The following SLC25A38 variants were observed in gnomAD, a reference collection of about 807,000 sequenced individuals.
The protein encoded by SLC25A38 is solute carrier family 25 member 38, also known as mitochondrial glycine transporter.
A neutral mutation model predicts 33.4 loss-of-function variants in SLC25A38; 27 were observed. That is an observed-to-expected ratio of 0.81 (90% CI 0.60 to 1.11). The LOEUF is 1.11. Ranked by LOEUF, SLC25A38 falls within the 50% of genes most tolerant of loss-of-function variation. The pLI, the probability that SLC25A38 is intolerant of heterozygous loss-of-function variation, is 0.00. For synonymous variants in SLC25A38, 123 were observed against 145.9 expected (o/e 0.84, Z 1.13); for missense variants, 344 against 388.8 (o/e 0.88, Z 0.97).
At chr3:39,387,088 G>A (rs1176691619) in intron 1 of SLC25A38, among the ~76,000 whole-genome samples, 1 of 152,176 alleles carries the variant, frequency 6.6e-6, no homozygotes, top group East Asian at 1.9e-4. Context: ...GAAGCCAAAG[G>A]AAGAGAGCAT....
chr3:39,383,713 G>A lies in SLC25A38; in HGVS notation c.-12G>A. On this transcript the variant is annotated 5_prime_UTR_variant, in exon 1 of 7. Transcript: ENST00000650617. The stretch of plus-strand genomic sequence containing the variant: ...CACCCTGGGCCCAGAGGACTCGCGG[G>A]CCTCATCTCCAATGATTCAGAACTC... 6.2e-7 allele frequency: 1 copy of A among 1,614,040 alleles called. No homozygotes were observed. The highest frequency in any genetic ancestry group is 8.5e-7 in the Non-Finnish European group (1 of 1,179,938).
intron 3 of SLC25A38, among the ~76,000 whole-genome samples, chr3:39,391,041 G>T (rs1435107151): frequency 6.6e-6 from 1 of 152,182 alleles, no homozygotes; most frequent in Non-Finnish European, 1.5e-5. Flanking sequence ...TACATTTTTA[G>T]CAAGGAGACC....
At position 39,392,014 on chromosome 3, in the gene SLC25A38, G is replaced by T. The variant is rs570606591; in HGVS notation, c.618G>T (p.Val206=). The part of the protein sequence containing the change: ...LMFYNQTKNI[V]PHDQVDATLI... ...TTTACAACCAGACCAAAAATATAGT[G>T]CCTCATGGTAGGGATAAAGGAAGAT... Residue 206 remains valine (V), a synonymous_variant, in exon 5 of 7, where the codon GTG becomes GTT. Transcript: ENST00000650617. 7 of 1,614,140 alleles carry T rather than the reference G, an allele frequency of 4.3e-6. No individual in the cohort carries two copies. The highest frequency in any genetic ancestry group is 1.7e-5 in the Admixed American group (1 of 60,024).
At chr3:39,394,679 T>C in intron 6 of SLC25A38, 103 bp downstream of exon 6, 3 of 1,396,728 alleles carry the variant, frequency 2.1e-6, no homozygotes, top group Non-Finnish European at 3.0e-6. Flanking sequence ...TAGAGAGCTT[T>C]TAAAAATCCC....
chr3:39,396,437 C>A lies in SLC25A38; in HGVS notation c.832C>A (p.Arg278=). 1 of 1,614,056 alleles carries A rather than the reference C, an allele frequency of 6.2e-7. No homozygotes were observed. The highest frequency in any genetic ancestry group is 1.1e-5 in the South Asian group (1 of 91,076). ...LRGFFQGGIP[R]ALRRTLMAAM... is the part of the protein sequence containing the mutation. ...TGGCTTCTTCCAAGGTGGCATCCCCCGAGCCCTCCGCAGAACTCTAATGGC... is the reference window on the plus strand; with the variant it reads ...TGGCTTCTTCCAAGGTGGCATCCCCAGAGCCCTCCGCAGAACTCTAATGGC... The change falls in exon 7 of 7, where the codon CGA becomes AGA. Residue 278 remains arginine (R), a synonymous_variant. Coordinates refer to ENST00000650617, the MANE Select transcript of SLC25A38 (RefSeq NM_017875.4).
rs2041670273 is a variant in SLC25A38 at position 39,383,502 on chromosome 3, G to A, written c.-223G>A. On this transcript the variant is annotated 5_prime_UTR_variant, in exon 1 of 7. Transcript: ENST00000650617. ...CTGCGGCGCGGGTGAAGAGCGGCGC[G>A]TAATTCCCGCAGCAAGATTGTTCCG... The A allele has an allele frequency of 1.7e-6, 1 of 587,312 alleles. No individual in the cohort carries two copies. The highest frequency in any genetic ancestry group is 2.0e-5 in the South Asian group (1 of 50,166). The allele number at this position is 587,312 out of a possible 1,614,324, so 36.4% of individuals were successfully genotyped here. A position where few individuals can be genotyped will look rare whatever the true frequency, so the allele number is the denominator to read the frequency against.
intron 1 of SLC25A38, among the ~76,000 whole-genome samples, chr3:39,386,468 T>G (rs1219530914): frequency 6.6e-6 from 1 of 152,108 alleles, no homozygotes; most frequent in Non-Finnish European, 1.5e-5. Flanking sequence ...CAGCTACTCG[T>G]GAGGCTGAGG....
chr3:39,391,440 G>C lies in SLC25A38; in HGVS notation c.277-1G>C. 6.2e-7 allele frequency: 1 copy of C among 1,613,354 alleles called. No individual in the cohort carries two copies. Among genetic ancestry groups the C allele is most frequent in the Non-Finnish European group, 8.5e-7 (1 of 1,180,014 alleles). ...TCTTTTCTCCCTGACCTTCTCTGCAGTCCATTGTGAGATGTGTCCCTGGCG... is the reference window on the plus strand; with the variant it reads ...TCTTTTCTCCCTGACCTTCTCTGCACTCCATTGTGAGATGTGTCCCTGGCG... On this transcript the variant is annotated splice_acceptor_variant, in intron 3 of 6. Transcript: ENST00000650617. LOFTEE classifies it high-confidence loss of function.
rs2041840936 is a variant in SLC25A38 at position 39,397,127 on chromosome 3, G to A, written c.*607G>A. The A allele has an allele frequency of 6.3e-6, 1 of 159,008 alleles. No homozygotes were observed. Among genetic ancestry groups the A allele is most frequent in the South Asian group, 1.8e-4 (1 of 5,662 alleles). 9.8% of individuals were successfully genotyped at this position (159,008 alleles called of 1,614,324 possible). A position where few individuals can be genotyped will look rare whatever the true frequency, so the allele number is the denominator to read the frequency against. Reference sequence around the variant, plus strand: ...ATAAAATTTTTTGGTCTTGGCCCCTGTACTGTTTTACCTCTAAATTCTGGC... The same window carrying A: ...ATAAAATTTTTTGGTCTTGGCCCCTATACTGTTTTACCTCTAAATTCTGGC... On this transcript the variant is annotated 3_prime_UTR_variant, in exon 7 of 7. Coordinates refer to ENST00000650617, the MANE Select transcript of SLC25A38 (RefSeq NM_017875.4).
In SLC25A38 at chr3:39,383,639, C is replaced by G. The variant is rs1450860762; in HGVS notation, c.-86C>G. ...CGCGTCGCCTGGCTAGCGCCACCCC[C>G]TAGCCTTCTTCAAGGCCTCCAGGGC... On this transcript the variant is annotated 5_prime_UTR_variant, in exon 1 of 7. Coordinates refer to ENST00000650617, the MANE Select transcript of SLC25A38 (RefSeq NM_017875.4). The G allele has an allele frequency of 6.6e-7, 1 of 1,518,616 alleles. No homozygotes were observed. Among genetic ancestry groups the G allele is most frequent in the Non-Finnish European group, 9.1e-7 (1 of 1,096,846 alleles). The allele number at this position is 1,518,616 out of a possible 1,614,324, so 94.1% of individuals were successfully genotyped here. A position where few individuals can be genotyped will look rare whatever the true frequency, so the allele number is the denominator to read the frequency against.
In SLC25A38 at chr3:39,391,884, C is replaced by T. The variant is rs764852009; in HGVS notation, c.488C>T (p.Ala163Val). ...AAATATGGCTATGAGAGTATCTACG[C>T]TGCCCTGAGGAGCATCTATCACAGT... ...SGKYGYESIY[A>V]ALRSIYHSEG... The change falls in exon 5 of 7, where the codon GCT becomes GTT. Residue 163 changes from alanine to valine, a missense_variant. By Grantham distance (64) the Ala-to-Val change is moderately conservative. Transcript: ENST00000650617. The T allele has an allele frequency of 6.2e-7, 1 of 1,613,928 alleles. No individual in the cohort carries two copies. The highest frequency in any genetic ancestry group is 8.5e-7 in the Non-Finnish European group (1 of 1,180,008).
rs1342920063 is a variant in SLC25A38, at chr3:39,383,676, G to C, written c.-49G>C. 3 of 1,608,028 alleles carry C rather than the reference G, an allele frequency of 1.9e-6. No individual in the cohort carries two copies. The highest frequency in any genetic ancestry group is 1.7e-4 in the Middle Eastern group (1 of 6,020). ...AAGGCCTCCAGGGCTGGGCCCAAGC[G>C]CCCGTCGACGGCACCCTGGGCCCAG... On this transcript the variant is annotated 5_prime_UTR_variant, in exon 1 of 7. Coordinates refer to ENST00000650617, the MANE Select transcript of SLC25A38 (RefSeq NM_017875.4).
At chr3:39,387,532 A>T (rs1221969577) in intron 1 of SLC25A38, among the ~76,000 whole-genome samples, 3 of 152,164 alleles carry the variant, frequency 2.0e-5, no homozygotes, top group Non-Finnish European at 2.9e-5. Context: ...TCCAACCTGG[A>T]TTCCTGGAGT....
intron 5 of SLC25A38, among the ~76,000 whole-genome samples, chr3:39,393,307 G>T (rs898237277): frequency 6.6e-6 from 1 of 151,900 alleles, no homozygotes; most frequent in South Asian, 2.1e-4. Flanking sequence ...AAAAAAAATC[G>T]ATCTGGTATT....
chr3:39,390,319 C>T (rs2041747768), intron 2 of SLC25A38, 104 bp from the exon 3 acceptor site: 2 of 1,139,780 alleles, frequency 1.8e-6, no homozygotes, highest in South Asian at 1.2e-5. Context: ...TGTTAAGTGT[C>T]CTAAAAATGA....
In SLC25A38 at chr3:39,383,644, C is replaced by T; in HGVS notation, c.-81C>T. 1 of 1,545,032 alleles carries T rather than the reference C, an allele frequency of 6.5e-7. No individual in the cohort carries two copies. Among genetic ancestry groups the T allele is most frequent in the Non-Finnish European group, 8.9e-7 (1 of 1,119,660 alleles). ...CGCCTGGCTAGCGCCACCCCCTAGC[C>T]TTCTTCAAGGCCTCCAGGGCTGGGC... is the stretch of plus-strand genomic sequence containing the variant. On this transcript the variant is annotated 5_prime_UTR_variant, in exon 1 of 7. Transcript: ENST00000650617.
In SLC25A38 at chr3:39,383,565, G is replaced by A. The variant is rs187963850; in HGVS notation, c.-160G>A. ...CTGGACTAGCAGGATCCGAACCCCG[G>A]CGGCTGCGTGCTTATAGGCGCAGAC... On this transcript the variant is annotated 5_prime_UTR_variant, in exon 1 of 7. Coordinates refer to ENST00000650617, the MANE Select transcript of SLC25A38 (RefSeq NM_017875.4). 3.0e-5 allele frequency: 22 copies of A among 723,632 alleles called. No homozygotes were observed. The East Asian group carries it at 5.2e-4, about 17-fold the overall frequency. The allele number at this position is 723,632 out of a possible 1,614,324, so 44.8% of individuals were successfully genotyped here.
chr3:39,395,979 G>A (rs796531918), intron 6 of SLC25A38, among the ~76,000 whole-genome samples: 20 of 152,094 alleles, frequency 1.3e-4, no homozygotes, highest in African/African-American at 4.6e-4. Flanking sequence ...GGGAGGTTGA[G>A]GTGGGCAGAT....
chr3:39,395,715 C>A (rs776337444), intron 6 of SLC25A38, among the ~76,000 whole-genome samples: 1 of 151,772 alleles, frequency 6.6e-6, no homozygotes, highest in African/African-American at 2.4e-5. Context: ...CAAGAAGGCA[C>A]CTTTTCCTTC....
Sources: allele counts gnomAD v4.1 joint callset (sites outside exome capture counted in the v4.1 genomes callset), GRCh38; gene constraint gnomAD v4.1.1; transcripts MANE v1.5; gene names NCBI Gene and HGNC (gene_info 2026-07-23, HGNC 2026-07-21).